The following HUS1 variants were observed in gnomAD, a reference collection of about 807,000 sequenced individuals.
HUS1 encodes the protein checkpoint protein HUS1.
Under a neutral mutation model 32.6 loss-of-function variants are expected in HUS1, and 31 were observed. The observed-to-expected ratio is 0.95, with a 90% confidence interval of 0.72 to 1.28. The LOEUF (loss-of-function observed/expected upper bound fraction) is 1.28, where lower values mean the gene tolerates loss of function less well. HUS1 is among the 50% of genes most tolerant of loss of function. The probability of loss-of-function intolerance (pLI) is 0.00; values close to 1 mark genes in which losing one functional copy is unlikely to be tolerated. For missense variants in HUS1, 340 were observed against 337.7 expected, an observed-to-expected ratio of 1.01 and a Z score of -0.05; for synonymous variants, 123 against 116.6, an observed-to-expected ratio of 1.06 and a Z score of -0.36.
Position 47,978,764 on chromosome 7 carries a change from G to C in HUS1, c.105C>G (p.Ser35Arg), listed in dbSNP as rs759095619. Residue 35 changes from serine to arginine, a missense_variant, in exon 2 of 8, where the codon AGC (serine) becomes AGG (arginine). Physicochemically the swap from Ser to Arg is moderately radical, Grantham distance 110. Coordinates refer to ENST00000258774, the MANE Select transcript of HUS1 (RefSeq NM_004507.4). ...AAAGGATGAAGTTAAGCTTATCAGG[G>C]CTGATGCGGAGGGTGCAGGTTTTGG... is the stretch of plus-strand genomic sequence containing the variant. Reference protein sequence around the residue: ...KLAKTCTLRISPDKLNFILCD... With the variant: ...KLAKTCTLRIRPDKLNFILCD... 6.2e-7 allele frequency: 1 copy of C among 1,614,214 alleles called. No individual in the cohort carries two copies. Among genetic ancestry groups the C allele is most frequent in the Admixed American group, 1.7e-5 (1 of 60,022 alleles).
chr7:47,975,754 C>G (rs3176530), intron 4 of HUS1, 67 bp from the exon 5 acceptor site: 52 of 863,720 alleles, frequency 6.0e-5, no homozygotes, highest in South Asian at 1.4e-4. Context: ...ATGACAAGGG[C>G]CCCATAACTA....
Position 47,965,115 on chromosome 7 carries a change from C to A in HUS1, c.*241G>T. 3 of 357,998 alleles carry A rather than the reference C, an allele frequency of 8.4e-6. No homozygotes were observed. In the East Asian group the frequency reaches 1.3e-4, roughly 16 times the overall value. 22.2% of individuals were successfully genotyped at this position (357,998 alleles called of 1,614,324 possible). On this transcript the variant is annotated 3_prime_UTR_variant, in exon 8 of 8. Transcript: ENST00000258774. ...TCTTTAAAGTCTGAATAAATAAATT[C>A]TAGCTTTTCTTTTCAGTGTCTTAAA...
At chr7:47,975,332 AAAAG>A (rs1583722515) in intron 5 of HUS1, among the ~76,000 whole-genome samples, 1 of 152,066 alleles carries the variant, frequency 6.6e-6, no homozygotes, top group South Asian at 2.1e-4. Flanking sequence ...AAAAAAAAAA[AAAAG>A]AAAGATACAA....
At position 47,969,315 on chromosome 7, in the gene HUS1, T is replaced by C. The variant is rs1476660827; in HGVS notation, c.544A>G (p.Ile182Val). The change falls in exon 6 of 8, where the codon ATT becomes GTT. Residue 182 changes from isoleucine (I) to valine (V), a missense_variant. Ile to Val is a conservative substitution (Grantham distance 29). Coordinates refer to ENST00000258774, the MANE Select transcript of HUS1 (RefSeq NM_004507.4). ...KMKNISNHLV[I>V]EANLDGELNL... ...AATTCTCCATCTAGGTTTGCTTCAA[T>C]AACCTGCAAATTGAGTATTTTACAT... is the stretch of plus-strand genomic sequence containing the variant. The C allele has an allele frequency of 6.5e-7, 1 of 1,547,960 alleles. No individual in the cohort carries two copies. The highest frequency in any genetic ancestry group is 1.4e-5 in the African/African-American group (1 of 73,480).
chr7:47,966,624 G>A (rs1470187775), intron 7 of HUS1, among the ~76,000 whole-genome samples: 3 of 152,172 alleles, frequency 2.0e-5, no homozygotes, highest in African/African-American at 7.2e-5. Context: ...GAGCTTGGGA[G>A]AAGTGCAGCC....
chr7:47,972,988 TG>T, intron 5 of HUS1, among the ~76,000 whole-genome samples: 1 of 152,198 alleles, frequency 6.6e-6, no homozygotes, highest in Non-Finnish European at 1.5e-5. Flanking sequence ...GACTGGATCA[TG>T]GGGGCAGCTT....
In HUS1 at chr7:47,979,555, G is replaced by T; in HGVS notation, c.-36C>A. Reference sequence around the variant, plus strand: ...GGCGCAGCCGCGGCGGGCCTCTGTGGGTAACAGAAAAGCGTCGCGCCCTGA... The same window carrying T: ...GGCGCAGCCGCGGCGGGCCTCTGTGTGTAACAGAAAAGCGTCGCGCCCTGA... On this transcript the variant is annotated 5_prime_UTR_variant, in exon 1 of 8. Coordinates refer to ENST00000258774, the MANE Select transcript of HUS1 (RefSeq NM_004507.4). 12 of 1,562,772 alleles carry T rather than the reference G, an allele frequency of 7.7e-6. No homozygotes were observed. The highest frequency in any genetic ancestry group is 1.1e-5 in the Non-Finnish European group (12 of 1,137,888).
intron 6 of HUS1, among the ~76,000 whole-genome samples, chr7:47,968,505 G>C (rs1385147956): frequency 6.6e-6 from 1 of 152,158 alleles, no homozygotes; most frequent in Non-Finnish European, 1.5e-5. Context: ...AAGCAGACTC[G>C]TAGTAACTTA....
At chr7:47,973,914 G>C (rs565795860) in intron 5 of HUS1, among the ~76,000 whole-genome samples, 1 of 152,140 alleles carries the variant, frequency 6.6e-6, no homozygotes, top group Admixed American at 6.5e-5. Context: ...AATTTCTCTG[G>C]AAGTCCCCAG....
chr7:47,979,348 C>A (rs1477573176), intron 1 of HUS1, 120 bp downstream of exon 1: 9 of 1,171,666 alleles, frequency 7.7e-6, no homozygotes, highest in Non-Finnish European at 9.7e-6. Context: ...CATCCCGGCC[C>A]CATCCTCCCG....
Position 47,965,050 on chromosome 7 carries a change from T to C in HUS1, c.*306A>G, listed in dbSNP as rs984640986. 2.5e-5 allele frequency: 7 copies of C among 280,906 alleles called. No homozygotes were observed. Among genetic ancestry groups the C allele is most frequent in the Non-Finnish European group, 4.9e-5 (7 of 143,164 alleles). 17.4% of individuals were successfully genotyped at this position (280,906 alleles called of 1,614,324 possible). A position where few individuals can be genotyped will look rare whatever the true frequency, so the allele number is the denominator to read the frequency against. ...CGAATTCTGGCTACTACACCAAGTC[T>C]AAATACATGACGATTTTCACAACAT... On this transcript the variant is annotated 3_prime_UTR_variant, in exon 8 of 8. Transcript: ENST00000258774.
In HUS1 at chr7:47,964,273, G is replaced by A. The variant is rs970436721; in HGVS notation, c.*1083C>T. On this transcript the variant is annotated 3_prime_UTR_variant, in exon 8 of 8. Coordinates refer to ENST00000258774, the MANE Select transcript of HUS1 (RefSeq NM_004507.4). The stretch of plus-strand genomic sequence containing the variant: ...CACACCAGTAGTCCCAGCTAGTCAG[G>A]AAGCTGAGGTGGGAGGATGCCTTGA... 1 of 152,334 alleles carries A rather than the reference G, an allele frequency of 6.6e-6. No individual in the cohort carries two copies. Among genetic ancestry groups the A allele is most frequent in the African/African-American group, 2.4e-5 (1 of 41,460 alleles). The allele number at this position is 152,334 out of a possible 1,614,324, so 9.4% of individuals were successfully genotyped here. A position where few individuals can be genotyped will look rare whatever the true frequency, so the allele number is the denominator to read the frequency against.
intron 3 of HUS1, among the ~76,000 whole-genome samples, chr7:47,977,558 A>AATT (rs139477057): frequency 0.046 from 6,981 of 152,284 alleles, 515 homozygotes; most frequent in African/African-American, 0.16. Flanking sequence ...TGCCCTAATT[A>AATT]GCTCTGAGAA....
At chr7:47,971,630 C>G (rs1023930689) in intron 5 of HUS1, 5 of 449,018 alleles carry the variant, frequency 1.1e-5, no homozygotes, top group Middle Eastern at 6.5e-4. Flanking sequence ...TGTTATTTCT[C>G]TTTTTGATGT....
chr7:47,973,971 C>T (rs1390856160), intron 5 of HUS1, among the ~76,000 whole-genome samples: 1 of 152,230 alleles, frequency 6.6e-6, no homozygotes, highest in Non-Finnish European at 1.5e-5. Context: ...AGCATCACTG[C>T]AGTCACAGGT....
intron 7 of HUS1, 47 bp from the exon 8 acceptor site, chr7:47,965,485 C>A (rs777925746): frequency 9.0e-6 from 12 of 1,334,356 alleles, no homozygotes; most frequent in Non-Finnish European, 1.3e-5. Context: ...GCAGCACACA[C>A]ATTTTGATCT....
chr7:47,973,376 A>AGG (rs1170563341), intron 5 of HUS1, among the ~76,000 whole-genome samples: 7 of 152,154 alleles, frequency 4.6e-5, no homozygotes, highest in Non-Finnish European at 8.8e-5. Context: ...CCAAATCAGA[A>AGG]CCTGCACTTT....
chr7:47,979,293 C>T (rs1583727481), intron 1 of HUS1, 175 bp downstream of exon 1: 23 of 418,260 alleles, frequency 5.5e-5, no homozygotes, highest in South Asian at 4.9e-4. Flanking sequence ...CGACCCGCCC[C>T]GCGCCCTCCC....
At chr7:47,977,484 G>A (rs560198604) in intron 3 of HUS1, among the ~76,000 whole-genome samples, 5 of 152,292 alleles carry the variant, frequency 3.3e-5, no homozygotes, top group African/African-American at 9.6e-5. Context: ...AGTATTATAC[G>A]TTACTATCTT....
Sources: gnomAD v4.1 joint callset for allele counts (sites outside exome capture counted in the v4.1 genomes callset) on GRCh38, gnomAD v4.1.1 for gene constraint, MANE v1.5 for transcripts, NCBI Gene and HGNC (gene_info 2026-07-23, HGNC 2026-07-21) for gene names.